The following RIPOR2 variants were observed in gnomAD, a reference collection of about 807,000 sequenced individuals.
RIPOR2 encodes RHO family interacting cell polarization regulator 2.
In RIPOR2, 39 loss-of-function variants were observed where a neutral mutation model predicts 114.5. That is an observed-to-expected ratio of 0.34 (90% CI 0.26 to 0.44). The LOEUF (loss-of-function observed/expected upper bound fraction) is 0.44, where lower values mean the gene tolerates loss of function less well. Among genes scored for constraint, RIPOR2 ranks in the 20% least tolerant of loss-of-function variants. The probability of loss-of-function intolerance (pLI) is 1.00; values close to 1 mark genes in which losing one functional copy is unlikely to be tolerated. For missense variants in RIPOR2, 1,007 were observed against 1,255.1 expected (o/e 0.80, Z 2.99); for synonymous variants, 445 against 484.4 (o/e 0.92, Z 1.07).
In RIPOR2 at chr6:24,839,221, C is replaced by G; in HGVS notation, c.1909G>C (p.Glu637Gln). The G allele has an allele frequency of 6.4e-7, 1 of 1,551,842 alleles. No individual in the cohort carries two copies. The highest frequency in any genetic ancestry group is 8.7e-7 in the Non-Finnish European group (1 of 1,147,006). Residue 637 changes from glutamate (E) to glutamine (Q), a missense_variant, in exon 14 of 22, where the codon GAA becomes CAA. Physicochemically the swap from Glu to Gln is conservative, Grantham distance 29. Transcript: ENST00000643898. The part of the protein sequence containing the change: ...SRSSSLSLTV[E>Q]SALESFDFLN... ...AAATCAAAGCTTTCTAAAGCACTTT[C>G]AACTGTGAGACTTAAACTGGAAGAC...
intron 1 of RIPOR2, among the ~76,000 whole-genome samples, chr6:24,906,180 TTTCC>T (rs1768973400): frequency 6.6e-6 from 1 of 152,198 alleles, no homozygotes; most frequent in Admixed American, 6.5e-5. Flanking sequence ...TGTCCCTAAC[TTTCC>T]TACCTTCAGT....
chr6:24,925,442 GC>G (rs1770794989), intron 1 of RIPOR2, among the ~76,000 whole-genome samples: 1 of 152,152 alleles, frequency 6.6e-6, no homozygotes, highest in African/African-American at 2.4e-5. Flanking sequence ...GGTGGGTCAT[GC>G]CTGTAATCCC....
chr6:24,941,033 G>A (rs1772103088), intron 1 of RIPOR2, among the ~76,000 whole-genome samples: 1 of 152,088 alleles, frequency 6.6e-6, no homozygotes, highest in Admixed American at 6.6e-5. Context: ...TCTCATGAGG[G>A]TTGTCTCATG....
At chr6:24,973,595 C>T (rs79834968) in intron 1 of RIPOR2, among the ~76,000 whole-genome samples, 1 of 129,302 alleles carries the variant, frequency 7.7e-6, no homozygotes, top group Non-Finnish European at 1.7e-5. Context: ...GACTGCATCT[C>T]AAAAAAAAAA....
chr6:24,829,501 ATC>A (rs2113677661), intron 17 of RIPOR2, among the ~76,000 whole-genome samples: 1 of 152,084 alleles, frequency 6.6e-6, no homozygotes, highest in South Asian at 2.1e-4. Context: ...GTTGGCATCT[ATC>A]TACAGTCCCA....
At chr6:24,819,662 A>ATTTTTTTTTTTTTTTTTT (rs35638159) in intron 19 of RIPOR2, among the ~76,000 whole-genome samples, 4 of 103,308 alleles carry the variant, frequency 3.9e-5, no homozygotes, top group Admixed American at 1.1e-4. Flanking sequence ...CGCCCAGCTA[A>ATTTTTTTTTTTTTTTTTT]TTTTTTTTTT....
Position 24,828,889 on chromosome 6 carries a change from C to G in RIPOR2, c.2507-594G>C, listed in dbSNP as rs554554301. On this transcript the variant is annotated intron_variant, in intron 17 of 21. Coordinates refer to ENST00000643898, the MANE Select transcript of RIPOR2 (RefSeq NM_001286445.3). ...TTCTATCAACATAAATTAGTTTCAC[C>G]TGTTCTTGAACTTCATGTAAATGGA... Among the ~76,000 whole-genome samples, 104 of 152,282 alleles carry G rather than the reference C, an allele frequency of 6.8e-4. 1 individual carries two copies. The highest frequency in any genetic ancestry group is 2.4e-3 in the African/African-American group (99 of 41,542).
chr6:24,974,469 G>A (rs1455851645), intron 1 of RIPOR2, among the ~76,000 whole-genome samples: 2 of 152,160 alleles, frequency 1.3e-5, no homozygotes, highest in Non-Finnish European at 2.9e-5. Flanking sequence ...AACCACAAGA[G>A]AGTATTTCAC....
intron 12 of RIPOR2, 35 bp from the exon 13 acceptor site, chr6:24,843,589 T>C (rs751423449): frequency 8.0e-6 from 11 of 1,378,926 alleles, no homozygotes; most frequent in Non-Finnish European, 9.7e-6. Flanking sequence ...TTATTTTCAA[T>C]ACAAATGATG....
At chr6:24,881,682 T>A (rs887393294) in intron 1 of RIPOR2, among the ~76,000 whole-genome samples, 13 of 152,196 alleles carry the variant, frequency 8.5e-5, no homozygotes, top group Middle Eastern at 3.2e-3. Flanking sequence ...ATAATAAGTA[T>A]AAGATTTTAC....
intron 1 of RIPOR2, among the ~76,000 whole-genome samples, chr6:24,904,650 T>C (rs1180262082): frequency 6.6e-6 from 1 of 152,252 alleles, no homozygotes; most frequent in Non-Finnish European, 1.5e-5. Context: ...CTTCTTTTAT[T>C]GTCACTGCTG....
intron 1 of RIPOR2, among the ~76,000 whole-genome samples, chr6:24,885,438 G>A (rs1465805300): frequency 6.6e-6 from 1 of 151,822 alleles, no homozygotes; most frequent in South Asian, 2.1e-4. Context: ...TGGCCAGGCT[G>A]GTCTTAAACT....
intron 1 of RIPOR2, among the ~76,000 whole-genome samples, chr6:24,925,446 G>C (rs958146619): frequency 6.6e-6 from 1 of 152,146 alleles, no homozygotes; most frequent in African/African-American, 2.4e-5. Context: ...GGTCATGCCT[G>C]TAATCCCAGC....
rs145163884 is a variant in RIPOR2 at position 25,007,680 on chromosome 6, C to T, written c.76+34171G>A. On this transcript the variant is annotated intron_variant, in intron 1 of 13. Coordinates refer to the RIPOR2 transcript ENST00000510784. ...GCACTCTTGGCCCTTCCTTCCTGCC[C>T]TCCCCATCTTCCTTCTCGGTGATCT... Among the ~76,000 whole-genome samples, 279 of 151,906 alleles carry T rather than the reference C, an allele frequency of 1.8e-3. 1 individual carries two copies. Among genetic ancestry groups the T allele is most frequent in the African/African-American group, 6.1e-3 (254 of 41,404 alleles).
rs1581950396 is a variant in RIPOR2 at position 25,013,027 on chromosome 6, T to G, written c.76+28824A>C. ...TAAATAGCACTCCATCTCTGGGTTT[T>G]TTTTTTTTTCCTTTTTCTTCCAGAG... is the stretch of plus-strand genomic sequence containing the variant. On this transcript the variant is annotated intron_variant, in intron 1 of 13. Coordinates refer to the RIPOR2 transcript ENST00000510784. Among the ~76,000 whole-genome samples, 5 of 151,974 alleles carry G rather than the reference T, an allele frequency of 3.3e-5. No homozygotes were observed. The South Asian group carries it at 1.0e-3, about 32-fold the overall frequency.
rs565348624 is a variant in RIPOR2, at chr6:25,036,065, G to A, written c.76+5786C>T. ...GTCCCACAGCCCCAACCACAGTCCA[G>A]GGCATCGTCTGTGGGATTCAGACTG... On this transcript the variant is annotated intron_variant, in intron 1 of 13. Coordinates refer to the RIPOR2 transcript ENST00000510784. Among the ~76,000 whole-genome samples, 14 of 152,274 alleles carry A rather than the reference G, an allele frequency of 9.2e-5. No homozygotes were observed. The South Asian group carries it at 2.9e-3, about 32-fold the overall frequency.
chr6:24,898,963 T>C (rs1350746444), intron 1 of RIPOR2, among the ~76,000 whole-genome samples: 1 of 151,800 alleles, frequency 6.6e-6, no homozygotes. Flanking sequence ...TTTTTTTTTT[T>C]TTTTTTCAGT....
chr6:24,927,585 T>C (rs1010618651), intron 1 of RIPOR2, among the ~76,000 whole-genome samples: 2 of 150,184 alleles, frequency 1.3e-5, no homozygotes, highest in African/African-American at 4.9e-5. Context: ...ACAATTATTA[T>C]TATCTCTATA....
rs1158869218 is a variant in RIPOR2 at position 24,863,906 on chromosome 6, T to C, written c.651+1395A>G. Among the ~76,000 whole-genome samples the C allele has an allele frequency of 2.6e-5, 4 of 152,240 alleles. No homozygotes were observed. In the South Asian group the frequency reaches 8.3e-4, roughly 32 times the overall value. ...ATAGAACTATGTCACATATTTGACT[T>C]TTGAAATATTTTGAAAACTATACTG... On this transcript the variant is annotated intron_variant, in intron 7 of 21. Coordinates refer to ENST00000643898, the MANE Select transcript of RIPOR2 (RefSeq NM_001286445.3).
Sources: gnomAD v4.1 joint callset for allele counts (sites outside exome capture counted in the v4.1 genomes callset) on GRCh38, gnomAD v4.1.1 for gene constraint, MANE v1.5 for transcripts, NCBI Gene and HGNC (gene_info 2026-07-23, HGNC 2026-07-21) for gene names.